The following CYFIP2 variants were observed in gnomAD, a reference collection of about 807,000 sequenced individuals.
CYFIP2 encodes the protein cytoplasmic FMR1-interacting protein 2.
Under a neutral mutation model 158.7 loss-of-function variants are expected in CYFIP2, and 29 were observed. The observed-to-expected ratio is 0.18, with a 90% confidence interval of 0.14 to 0.25. CYFIP2 has a LOEUF of 0.25. CYFIP2 is among the 10% of genes least tolerant of loss of function. The pLI is 1.00. For missense variants in CYFIP2, 852 were observed against 1,639.5 expected (o/e 0.52, Z 8.29); for synonymous variants, 585 against 617.6 (o/e 0.95, Z 0.78).
At position 157,341,057 on chromosome 5, in the gene CYFIP2, A is replaced by T; in HGVS notation, c.2586-13A>T. On this transcript the variant is annotated splice_polypyrimidine_tract_variant and intron_variant, in intron 22 of 30. Transcript: ENST00000620254. ...ACCATATTAACTCTTTCCCATCCCT[A>T]TGCTTCTACTAGTTTTGTGCGGACT... 6.2e-7 allele frequency: 1 copy of T among 1,612,620 alleles called. No homozygotes were observed. Among genetic ancestry groups the T allele is most frequent in the Non-Finnish European group, 8.5e-7 (1 of 1,178,674 alleles).
At chr5:157,340,679 G>A (rs1762183513) in intron 22 of CYFIP2, among the ~76,000 whole-genome samples, 1 of 152,190 alleles carries the variant, frequency 6.6e-6, no homozygotes, top group Non-Finnish European at 1.5e-5. Flanking sequence ...GAGACCGTCT[G>A]GCTTCCAAAG....
At chr5:157,344,031 C>T (rs1438542546) in intron 23 of CYFIP2, among the ~76,000 whole-genome samples, 1 of 152,106 alleles carries the variant, frequency 6.6e-6, no homozygotes, top group African/African-American at 2.4e-5. Flanking sequence ...GAACATTCTG[C>T]CCACTGCTTT....
intron 26 of CYFIP2, among the ~76,000 whole-genome samples, chr5:157,372,306 G>A (rs1204276515): frequency 1.3e-5 from 2 of 152,052 alleles, no homozygotes; most frequent in African/African-American, 4.8e-5. Flanking sequence ...GGTATTTAAG[G>A]CTGAAGTGAC....
chr5:157,297,191 C>A (rs1758321140), intron 5 of CYFIP2, among the ~76,000 whole-genome samples: 1 of 152,174 alleles, frequency 6.6e-6, no homozygotes, highest in South Asian at 2.1e-4. Flanking sequence ...AGGTTTCAGG[C>A]AGAAGTTGCC....
chr5:157,359,744 C>T (rs536425964), intron 24 of CYFIP2, among the ~76,000 whole-genome samples: 2 of 152,192 alleles, frequency 1.3e-5, no homozygotes, highest in Non-Finnish European at 2.9e-5. Flanking sequence ...ATGAAAATTT[C>T]AAATGATGAA....
intron 5 of CYFIP2, 66 bp downstream of exon 5, chr5:157,296,840 G>T: frequency 7.7e-7 from 1 of 1,303,496 alleles, no homozygotes; most frequent in African/African-American, 1.5e-5. Flanking sequence ...TAACCACTGG[G>T]GTCTGCAGTT....
intron 9 of CYFIP2, 89 bp from the exon 10 acceptor site, chr5:157,309,654 A>G: frequency 8.4e-7 from 1 of 1,191,714 alleles, no homozygotes; most frequent in Non-Finnish European, 1.2e-6. Flanking sequence ...GCACACACAG[A>G]GGCCTGCCTC....
At chr5:157,342,522 C>T (rs944374532) in intron 23 of CYFIP2, 5 of 145,366 alleles carry the variant, frequency 3.4e-5, no homozygotes, top group African/African-American at 1.6e-4. Flanking sequence ...TCAAGTGTTT[C>T]CTTCAAGTGC....
At position 157,337,222 on chromosome 5, in the gene CYFIP2, T is replaced by A. The variant is rs1020884286; in HGVS notation, c.2386-1835T>A. Among the ~76,000 whole-genome samples, 14 of 152,188 alleles carry A rather than the reference T, an allele frequency of 9.2e-5. 1 individual carries two copies. The highest frequency in any genetic ancestry group is 3.1e-4 in the African/African-American group (13 of 41,432). On this transcript the variant is annotated intron_variant, in intron 21 of 30. Transcript: ENST00000620254. ...CCCCCAAGAGACAGAATCAGAAAGCTGATTCTGTATTTCCGCCCTTCATTT... is the reference window on the plus strand; with the variant it reads ...CCCCCAAGAGACAGAATCAGAAAGCAGATTCTGTATTTCCGCCCTTCATTT...
At chr5:157,344,914 G>A (rs1762568665) in intron 23 of CYFIP2, among the ~76,000 whole-genome samples, 1 of 152,216 alleles carries the variant, frequency 6.6e-6, no homozygotes, top group Non-Finnish European at 1.5e-5. Context: ...CTGCAGAAAG[G>A]TGCACAGCAT....
intron 29 of CYFIP2, among the ~76,000 whole-genome samples, 155 bp from the exon 30 acceptor site, chr5:157,390,366 C>T (rs1767160737): frequency 2.0e-5 from 3 of 152,106 alleles, no homozygotes; most frequent in Admixed American, 6.5e-5. Flanking sequence ...AACCCACCCT[C>T]ACAGCTTCCT....
At chr5:157,377,087 T>C in intron 26 of CYFIP2, 1 of 311,194 alleles carries the variant, frequency 3.2e-6, no homozygotes, top group Non-Finnish European at 6.5e-6. Flanking sequence ...CCTTTGCCGC[T>C]ACTCCTGGCC....
intron 28 of CYFIP2, among the ~76,000 whole-genome samples, chr5:157,386,408 T>C (rs536650319): frequency 6.6e-6 from 1 of 151,958 alleles, no homozygotes; most frequent in African/African-American, 2.4e-5. Context: ...TTTATAGAGA[T>C]GAGGTGTCAC....
At chr5:157,347,086 C>T (rs1361619989) in intron 23 of CYFIP2, among the ~76,000 whole-genome samples, 1 of 152,128 alleles carries the variant, frequency 6.6e-6, no homozygotes, top group East Asian at 1.9e-4. Context: ...TTTTAAAAGT[C>T]AGCTTTTCTC....
At chr5:157,267,693 T>C (rs1450786428) in intron 1 of CYFIP2, among the ~76,000 whole-genome samples, 1 of 152,272 alleles carries the variant, frequency 6.6e-6, no homozygotes, top group Non-Finnish European at 1.5e-5. Context: ...ACAAGTCATT[T>C]GACCGGAAAA....
Position 157,311,840 on chromosome 5 carries a change from A to G in CYFIP2, c.1110+59A>G. 3 of 1,470,334 alleles carry G rather than the reference A, an allele frequency of 2.0e-6. No individual in the cohort carries two copies. The highest frequency in any genetic ancestry group is 2.0e-5 in the Admixed American group (1 of 50,450). 91.1% of individuals were successfully genotyped at this position (1,470,334 alleles called of 1,614,324 possible). ...GGGCCCAGGGCCAGAAGGGGTAAGG[A>G]GCAGCCAGGAAAGAACATGGACCCA... is the stretch of plus-strand genomic sequence containing the variant. On this transcript the variant is annotated intron_variant, in intron 11 of 30. Coordinates refer to ENST00000620254, the MANE Select transcript of CYFIP2 (RefSeq NM_001037333.3). The surrounding 1 kb of genome is among the most constrained non-coding windows in gnomAD (Gnocchi z 4.7).
At chr5:157,365,235 T>C (rs1764253182) in intron 26 of CYFIP2, 1 of 152,228 alleles carries the variant, frequency 6.6e-6, no homozygotes, top group South Asian at 2.1e-4. Flanking sequence ...AATTTTAAAA[T>C]AGTATATGCT....
chr5:157,293,975 A>G (rs1172626583), intron 3 of CYFIP2, among the ~76,000 whole-genome samples: 2 of 152,172 alleles, frequency 1.3e-5, no homozygotes, highest in African/African-American at 4.8e-5. Flanking sequence ...TCGAGTCCCA[A>G]AAGTCCAGGT....
chr5:157,314,927 T>C (rs572919299), intron 12 of CYFIP2, 42 bp from the exon 13 acceptor site: 2 of 1,444,862 alleles, frequency 1.4e-6, no homozygotes, highest in South Asian at 2.5e-5. Flanking sequence ...GTTTGTCCGT[T>C]CATCAGTTGA....
Sources: gnomAD v4.1 joint callset for allele counts (sites outside exome capture counted in the v4.1 genomes callset) on GRCh38, gnomAD v4.1.1 for gene constraint, Gnocchi (gnomAD v3.1) non-coding constraint, MANE v1.5 for transcripts, NCBI Gene and HGNC (gene_info 2026-07-23, HGNC 2026-07-21) for gene names.